XPR1: variants seen among roughly 807,000 people sequenced by gnomAD.
XPR1 encodes the protein solute carrier family 53 member 1.
A neutral mutation model predicts 87.5 loss-of-function variants in XPR1; 28 were observed. The observed-to-expected ratio is 0.32, with a 90% CI of 0.24 to 0.44. XPR1 has a LOEUF of 0.44. XPR1 is among the 20% of genes least tolerant of loss of function. XPR1 has a pLI of 1.00. For synonymous variants in XPR1, 300 were observed against 306.1 expected (o/e 0.98, Z 0.21); for missense variants, 559 against 862.3 (o/e 0.65, Z 4.41).
At chr1:180,659,503 C>T (rs1243460413) in intron 1 of XPR1, among the ~76,000 whole-genome samples, 6 of 147,490 alleles carry the variant, frequency 4.1e-5, no homozygotes, top group Non-Finnish European at 8.9e-5. Context: ...TCCTCCCTCT[C>T]TGTTGCCCAG....
intron 4 of XPR1, 66 bp downstream of exon 4, chr1:180,803,677 T>C (rs181929758): frequency 1.9e-5 from 26 of 1,364,700 alleles, no homozygotes; most frequent in Admixed American, 1.2e-4. Flanking sequence ...TAAATGGAAG[T>C]ACCCTAAAGT....
intron 1 of XPR1, among the ~76,000 whole-genome samples, chr1:180,656,650 ATATAATATATAATTTATATTATATATAAT>A (rs1655539047): frequency 8.2e-6 from 1 of 122,286 alleles, no homozygotes; most frequent in Non-Finnish European, 1.6e-5. Flanking sequence ...ATATTATTAT[ATATAATATATAATTTATATTATATATAAT>A]TATATAATAT....
chr1:180,678,872 T>A (rs574773226), intron 1 of XPR1, among the ~76,000 whole-genome samples: 84 of 152,340 alleles, frequency 5.5e-4, no homozygotes, highest in African/African-American at 2.0e-3. Context: ...AGTTTACTTC[T>A]TCCTTTTTGG....
At chr1:180,711,807 CTGTT>C (rs1411553906) in intron 2 of XPR1, among the ~76,000 whole-genome samples, 9 of 152,182 alleles carry the variant, frequency 5.9e-5, no homozygotes, top group African/African-American at 9.7e-5. Flanking sequence ...ATTTTCTCCT[CTGTT>C]TGCATCTAAA....
chr1:180,649,321 A>G (rs1024590265), intron 1 of XPR1, among the ~76,000 whole-genome samples: 3 of 151,706 alleles, frequency 2.0e-5, no homozygotes, highest in African/African-American at 7.3e-5. Context: ...AGTCCCAGCT[A>G]CTCGGGAGGC....
chr1:180,770,932 A>G (rs1244909054), intron 2 of XPR1, among the ~76,000 whole-genome samples: 2 of 152,000 alleles, frequency 1.3e-5, no homozygotes, highest in East Asian at 3.9e-4. Context: ...TTATATCTCA[A>G]CTGAAGTGTT....
chr1:180,746,767 G>A (rs930791070), intron 2 of XPR1, among the ~76,000 whole-genome samples: 5 of 152,070 alleles, frequency 3.3e-5, no homozygotes, highest in African/African-American at 1.2e-4. Flanking sequence ...AAACAGATGA[G>A]CAAAAAATCA....
At chr1:180,767,829 A>G (rs766712014) in intron 2 of XPR1, among the ~76,000 whole-genome samples, 2 of 151,916 alleles carry the variant, frequency 1.3e-5, no homozygotes, top group African/African-American at 2.4e-5. Context: ...ATGAAGGTTT[A>G]TTACTCTTAT....
intron 1 of XPR1, among the ~76,000 whole-genome samples, chr1:180,644,073 G>A (rs567146571): frequency 1.3e-5 from 2 of 152,296 alleles, no homozygotes; most frequent in Admixed American, 6.5e-5. Flanking sequence ...GGAGTGATGT[G>A]TAAACATCTG....
chr1:180,797,133 A>G (rs1234247039), intron 3 of XPR1, among the ~76,000 whole-genome samples: 1 of 152,196 alleles, frequency 6.6e-6, no homozygotes, highest in Non-Finnish European at 1.5e-5. Flanking sequence ...AATGAATTGC[A>G]TGTTTACAGT....
intron 2 of XPR1, among the ~76,000 whole-genome samples, chr1:180,744,468 G>A (rs1004736530): frequency 6.6e-6 from 1 of 151,846 alleles, no homozygotes; most frequent in African/African-American, 2.4e-5. Flanking sequence ...TCCAACATCT[G>A]TGTCATCTTG....
At chr1:180,652,118 C>G (rs566673520) in intron 1 of XPR1, among the ~76,000 whole-genome samples, 45 of 152,146 alleles carry the variant, frequency 3.0e-4, no homozygotes, top group Non-Finnish European at 5.0e-4. Context: ...ATGGTGAAAC[C>G]CTGTCTCTAC....
At chr1:180,694,495 C>T (rs1657096308) in intron 2 of XPR1, among the ~76,000 whole-genome samples, 1 of 152,102 alleles carries the variant, frequency 6.6e-6, no homozygotes, top group African/African-American at 2.4e-5. Flanking sequence ...CATTTATCTG[C>T]CTCTAGTGAT....
At chr1:180,711,600 C>T (rs12135573) in intron 2 of XPR1, among the ~76,000 whole-genome samples, 127 of 146,796 alleles carry the variant, frequency 8.7e-4, no homozygotes, top group Non-Finnish European at 1.6e-3. Flanking sequence ...AGAGGGAGAC[C>T]GTGGGGAGGG....
chr1:180,858,388 T>C (rs1320406743), intron 11 of XPR1, among the ~76,000 whole-genome samples: 1 of 152,208 alleles, frequency 6.6e-6, no homozygotes, highest in Non-Finnish European at 1.5e-5. Context: ...ATATACAGTA[T>C]GAAATAAGCA....
chr1:180,850,650 A>G (rs73044557), intron 11 of XPR1, among the ~76,000 whole-genome samples: 2,546 of 152,238 alleles, frequency 0.017, 77 homozygotes, highest in African/African-American at 0.056. Flanking sequence ...AGCACTTGAG[A>G]CACTGTGTAA....
At chr1:180,770,265 A>G (rs528479334) in intron 2 of XPR1, among the ~76,000 whole-genome samples, 101 of 152,316 alleles carry the variant, frequency 6.6e-4, no homozygotes, top group African/African-American at 1.8e-3. Flanking sequence ...TGGCTTAAAC[A>G]GCAGACAGTT....
At chr1:180,852,797 G>T (rs1025293618) in intron 11 of XPR1, among the ~76,000 whole-genome samples, 1 of 152,172 alleles carries the variant, frequency 6.6e-6, no homozygotes, top group East Asian at 1.9e-4. Flanking sequence ...AAAATGTTGG[G>T]ATTACAGGCG....
chr1:180,888,713 T>TA lies in XPR1; in HGVS notation c.*4648dup, dbSNP rs1367311859. On this transcript the variant is annotated 3_prime_UTR_variant, in exon 15 of 15. Coordinates refer to ENST00000367590, the MANE Select transcript of XPR1 (RefSeq NM_004736.4). ...TAAAGGTTTTCTAAATGCAAACACA[T>TA]ACGTTTCTGCATTTCAGAAGTCAGT... The TA allele has an allele frequency of 6.6e-6, 1 of 152,228 alleles. No individual in the cohort carries two copies. Among genetic ancestry groups the TA allele is most frequent in the Non-Finnish European group, 1.5e-5 (1 of 68,030 alleles). The allele number at this position is 152,228 out of a possible 1,614,324, so 9.4% of individuals were successfully genotyped here. A position where few individuals can be genotyped will look rare whatever the true frequency, so the allele number is the denominator to read the frequency against.
Sources: allele counts gnomAD v4.1 joint callset (sites outside exome capture counted in the v4.1 genomes callset), GRCh38; gene constraint gnomAD v4.1.1; transcripts MANE v1.5; gene names NCBI Gene and HGNC (gene_info 2026-07-23, HGNC 2026-07-21).